MAD1L1: variants seen among roughly 807,000 people sequenced by gnomAD.
MAD1L1 encodes mitotic spindle assembly checkpoint protein MAD1.
In MAD1L1, 95 loss-of-function variants were observed where a neutral mutation model predicts 96.9. The ratio of observed to expected loss-of-function variants is 0.98; its 90% CI spans 0.83 to 1.16. The LOEUF (loss-of-function observed/expected upper bound fraction) is 1.16, where lower values mean the gene tolerates loss of function less well. MAD1L1 is among the 50% of genes most tolerant of loss of function. The pLI is 0.00. For synonymous variants in MAD1L1, 473 were observed against 396.6 expected, an observed-to-expected ratio of 1.19 and a Z score of -2.29; for missense variants, 1,007 against 954.4, an observed-to-expected ratio of 1.06 and a Z score of -0.73.
intron 16 of MAD1L1, among the ~76,000 whole-genome samples, chr7:1,938,774 GCA>G (rs1253117911): frequency 9.1e-6 from 1 of 110,148 alleles, no homozygotes; most frequent in Non-Finnish European, 1.8e-5. Flanking sequence ...ACACACGCAC[GCA>G]CACAGAGACC....
At chr7:2,005,087 G>A (rs917473433) in intron 13 of MAD1L1, among the ~76,000 whole-genome samples, 2 of 152,190 alleles carry the variant, frequency 1.3e-5, no homozygotes, top group Non-Finnish European at 2.9e-5. Flanking sequence ...ACGACCGCAC[G>A]TCAGCAGGAG....
chr7:1,824,334 T>G (rs193172032), intron 18 of MAD1L1, among the ~76,000 whole-genome samples: 45 of 136,994 alleles, frequency 3.3e-4, no homozygotes, highest in African/African-American at 1.2e-3. Context: ...TGCGTGACCC[T>G]GGGCACACCG....
rs564254216 is a variant in MAD1L1 at position 1,971,369 on chromosome 7, T to C, written c.1505+9084A>G. 5.3e-5 allele frequency among the ~76,000 whole-genome samples: 8 copies of C among 152,214 alleles called. 1 individual carries two copies. In the East Asian group the frequency reaches 1.4e-3, roughly 26 times the overall value. Reference sequence around the variant, plus strand: ...ATTCTCTCGCACAGAAGTCAAAACATGGCCAACAGTTCACCTTCATTCTCA... The same window carrying C: ...ATTCTCTCGCACAGAAGTCAAAACACGGCCAACAGTTCACCTTCATTCTCA... On this transcript the variant is annotated intron_variant, in intron 15 of 18. Coordinates refer to ENST00000265854, the MANE Select transcript of MAD1L1 (RefSeq NM_001013836.2).
At chr7:2,076,495 T>A (rs1021300613) in intron 11 of MAD1L1, among the ~76,000 whole-genome samples, 2 of 152,146 alleles carry the variant, frequency 1.3e-5, no homozygotes, top group African/African-American at 4.8e-5. Context: ...TCTGTTCAGA[T>A]CCCCGACTAT....
chr7:2,003,069 G>A (rs1360805978), intron 13 of MAD1L1, among the ~76,000 whole-genome samples: 4 of 2,348 alleles, frequency 1.7e-3, no homozygotes, highest in Non-Finnish European at 4.2e-3. Context: ...GGAAAGTCCG[G>A]GAAGGAGATG....
chr7:1,841,090 G>C (rs1333270487), intron 18 of MAD1L1, among the ~76,000 whole-genome samples: 2 of 152,224 alleles, frequency 1.3e-5, no homozygotes, highest in African/African-American at 2.4e-5. Flanking sequence ...TACTCTGTGG[G>C]GGGCAGGTGC....
At chr7:2,209,798 G>A (rs1310885130) in intron 10 of MAD1L1, 2 of 152,472 alleles carry the variant, frequency 1.3e-5, no homozygotes, top group Non-Finnish European at 2.9e-5. Flanking sequence ...AGAGCCCTCT[G>A]CTTCCAGGAC....
intron 17 of MAD1L1, among the ~76,000 whole-genome samples, chr7:1,927,763 G>A (rs1245059393): frequency 6.6e-6 from 1 of 152,150 alleles, no homozygotes; most frequent in Admixed American, 6.5e-5. Context: ...TGTTTGGCCT[G>A]GAGTTATGCA....
intron 14 of MAD1L1, among the ~76,000 whole-genome samples, chr7:1,985,663 C>A (rs1781106246): frequency 6.6e-6 from 1 of 152,252 alleles, no homozygotes; most frequent in Non-Finnish European, 1.5e-5. Context: ...GTAGCACTTA[C>A]ATTTCCAGGC....
At chr7:1,973,551 G>A (rs1224414933) in intron 15 of MAD1L1, among the ~76,000 whole-genome samples, 1 of 152,124 alleles carries the variant, frequency 6.6e-6, no homozygotes, top group Non-Finnish European at 1.5e-5. Flanking sequence ...AGACAGCTGG[G>A]TACGAGCTCA....
chr7:2,189,657 C>T (rs1488499112), intron 10 of MAD1L1, among the ~76,000 whole-genome samples: 4 of 152,050 alleles, frequency 2.6e-5, no homozygotes, highest in South Asian at 2.1e-4. Context: ...GCACAGGGAG[C>T]GAGCGTTTAA....
At chr7:2,081,254 G>C (rs977445952) in intron 11 of MAD1L1, among the ~76,000 whole-genome samples, 1 of 152,172 alleles carries the variant, frequency 6.6e-6, no homozygotes, top group Non-Finnish European at 1.5e-5. Context: ...GTGGGCAGAG[G>C]AGTCACTTGG....
chr7:2,039,174 T>A (rs1783570887), intron 12 of MAD1L1, among the ~76,000 whole-genome samples: 1 of 152,218 alleles, frequency 6.6e-6, no homozygotes, highest in African/African-American at 2.4e-5. Context: ...TCCCTGGAGA[T>A]CTATTCAAGT....
chr7:2,182,430 T>G (rs1170727422), intron 10 of MAD1L1, among the ~76,000 whole-genome samples: 1 of 152,176 alleles, frequency 6.6e-6, no homozygotes, highest in African/African-American at 2.4e-5. Flanking sequence ...GAAAATAGTT[T>G]GGCAATTCCT....
intron 11 of MAD1L1, among the ~76,000 whole-genome samples, chr7:2,129,942 C>T (rs1202659173): frequency 3.3e-5 from 5 of 152,170 alleles, no homozygotes; most frequent in Non-Finnish European, 7.4e-5. Flanking sequence ...CCAACCAGTC[C>T]AAAAAGCTGT....
At chr7:1,876,436 C>A (rs1785391817) in intron 18 of MAD1L1, among the ~76,000 whole-genome samples, 1 of 151,870 alleles carries the variant, frequency 6.6e-6, no homozygotes, top group Admixed American at 6.6e-5. Context: ...GGTCCTACCA[C>A]AATAAAAGGA....
At chr7:1,980,845 G>A (rs1264660341) in intron 14 of MAD1L1, 2 of 507,258 alleles carry the variant, frequency 3.9e-6, no homozygotes, top group Middle Eastern at 3.6e-4. Context: ...CAGCTGGGGA[G>A]AGAGCACGCT....
chr7:2,054,399 C>T (rs555188591), intron 12 of MAD1L1, among the ~76,000 whole-genome samples: 7 of 152,250 alleles, frequency 4.6e-5, no homozygotes, highest in African/African-American at 1.7e-4. Flanking sequence ...GGGTAAAATG[C>T]ATTGTTTTGA....
rs556447259 is a variant in MAD1L1 at position 2,215,478 on chromosome 7, G to T, written c.924+407C>A. Among the ~76,000 whole-genome samples the T allele has an allele frequency of 2.5e-4, 38 of 152,238 alleles. 1 individual carries two copies. The South Asian group carries it at 7.5e-3, about 30-fold the overall frequency. ...CGAGCTGGAATCCTGGTGTTGGCAG[G>T]GTTGTGTTCCTTCTGCAGATTCCAG... is the stretch of plus-strand genomic sequence containing the variant. On this transcript the variant is annotated intron_variant, in intron 9 of 18. Transcript: ENST00000265854.
Sources: gnomAD v4.1 joint callset for allele counts (sites outside exome capture counted in the v4.1 genomes callset) on GRCh38, gnomAD v4.1.1 for gene constraint, MANE v1.5 for transcripts, NCBI Gene and HGNC (gene_info 2026-07-23, HGNC 2026-07-21) for gene names.